The following SFXN4 variants were observed in gnomAD, a reference collection of about 807,000 sequenced individuals.
SFXN4 encodes sideroflexin 4, also known as sideroflexin-4.
Under a neutral mutation model 54.6 loss-of-function variants are expected in SFXN4, and 48 were observed. The observed-to-expected ratio is 0.88, with a 90% confidence interval of 0.70 to 1.12. The LOEUF is 1.12. Among genes scored for constraint, SFXN4 ranks in the 50% most tolerant of loss-of-function variants. The pLI, the probability that SFXN4 is intolerant of heterozygous loss-of-function variation, is 0.00. For missense variants in SFXN4, 383 were observed against 409.2 expected (o/e 0.94, Z 0.55); for synonymous variants, 130 against 145.5 (o/e 0.89, Z 0.77).
chr10:119,150,278 G>A (rs868760523), intron 11 of SFXN4, among the ~76,000 whole-genome samples: 1 of 152,258 alleles, frequency 6.6e-6, no homozygotes. Flanking sequence ...CTTTCCGCTG[G>A]AGGCTGGGGC....
Position 119,164,139 on chromosome 10 carries a change from T to C in SFXN4, c.169A>G (p.Ile57Val), listed in dbSNP as rs1589652565. The change falls in exon 2 of 14, where the codon ATT becomes GTT. Residue 57 changes from isoleucine (I) to valine (V), a missense_variant. Ile to Val is a conservative substitution (Grantham distance 29, BLOSUM62 3). Coordinates refer to ENST00000355697, the MANE Select transcript of SFXN4 (RefSeq NM_213649.2). ...TELLDPTNVF[I>V]SVESIENSRQ... ...CTGAAAACAATACTTACAACTGAAA[T>C]GAACACATTTGTAGGATCTAATAAT... 1.9e-6 allele frequency: 3 copies of C among 1,576,218 alleles called. No individual in the cohort carries two copies. In the South Asian group the frequency reaches 3.5e-5, roughly 18 times the overall value.
intron 11 of SFXN4, among the ~76,000 whole-genome samples, chr10:119,151,327 C>A (rs1406727673): frequency 6.7e-6 from 1 of 148,730 alleles, no homozygotes; most frequent in Non-Finnish European, 1.5e-5. Context: ...CAAGATCGCA[C>A]CATTGCACTC....
At chr10:119,158,103 T>C in intron 6 of SFXN4, 41 bp from the exon 7 acceptor site, 1 of 1,593,034 alleles carries the variant, frequency 6.3e-7, no homozygotes, top group Non-Finnish European at 8.6e-7. Context: ...AGTGTTGCTG[T>C]GGAAGGAGAA....
chr10:119,146,795 T>A (rs1182531786), intron 12 of SFXN4, among the ~76,000 whole-genome samples: 1 of 152,174 alleles, frequency 6.6e-6, no homozygotes, highest in East Asian at 1.9e-4. Flanking sequence ...CTAGAACTCC[T>A]GACCTCAGGT....
intron 2 of SFXN4, 104 bp from the exon 3 acceptor site, chr10:119,162,518 G>C: frequency 4.6e-6 from 4 of 863,414 alleles, no homozygotes; most frequent in Non-Finnish European, 7.6e-6. Flanking sequence ...ACTGGACTTC[G>C]ACTGCATGCC....
rs918137108 is a variant in SFXN4, at chr10:119,156,730, C to T, written c.564G>A (p.Lys188=). ...TAATCCAAGGGCCAGTCAGGCCATACTTCATCTGGACAAACTGAGGGATTA... is the reference window on the plus strand; with the variant it reads ...TAATCCAAGGGCCAGTCAGGCCATATTTCATCTGGACAAACTGAGGGATTA... ...LGVIPQFVQM[K]YGLTGPWIKR... The change falls in exon 10 of 14, where the codon AAG becomes AAA. Residue 188 remains lysine (K), a synonymous_variant. Coordinates refer to ENST00000355697, the MANE Select transcript of SFXN4 (RefSeq NM_213649.2). The T allele has an allele frequency of 6.2e-7, 1 of 1,611,196 alleles. No homozygotes were observed. Among genetic ancestry groups the T allele is most frequent in the Non-Finnish European group, 8.5e-7 (1 of 1,178,482 alleles).
chr10:119,154,753 G>T (rs1256576653), intron 11 of SFXN4, among the ~76,000 whole-genome samples: 1 of 152,072 alleles, frequency 6.6e-6, no homozygotes, highest in Non-Finnish European at 1.5e-5. Context: ...GACCGCTTGT[G>T]TTAGGGAGGC....
At chr10:119,161,881 G>A (rs1372586104) in intron 3 of SFXN4, among the ~76,000 whole-genome samples, 1 of 152,196 alleles carries the variant, frequency 6.6e-6, no homozygotes, top group East Asian at 1.9e-4. Context: ...AGGCTGTCTT[G>A]AGGAGCTGGT....
Position 119,165,517 on chromosome 10 carries a change from G to C in SFXN4, c.111+20C>G. The stretch of plus-strand genomic sequence containing the variant: ...GCCCGCCCCCTCCCTGCCCCTAGTC[G>C]CGCCGGGCCCGGGCCGTACTTGGCG... On this transcript the variant is annotated intron_variant, in intron 1 of 13. Coordinates refer to ENST00000355697, the MANE Select transcript of SFXN4 (RefSeq NM_213649.2). 1.3e-6 allele frequency: 2 copies of C among 1,565,648 alleles called. No homozygotes were observed. The highest frequency in any genetic ancestry group is 1.7e-6 in the Non-Finnish European group (2 of 1,162,740).
chr10:119,148,611 G>A (rs745488710), intron 11 of SFXN4, among the ~76,000 whole-genome samples: 5 of 151,896 alleles, frequency 3.3e-5, no homozygotes, highest in African/African-American at 4.8e-5. Flanking sequence ...CTGAGGGCAC[G>A]GGCACAGCAT....
intron 3 of SFXN4, 22 bp from the exon 4 acceptor site, chr10:119,161,103 G>C (rs1353912530): frequency 1.2e-6 from 2 of 1,612,976 alleles, no homozygotes; most frequent in South Asian, 1.1e-5. Context: ...AAAAAGAATA[G>C]CTTTGTTTCA....
intron 1 of SFXN4, among the ~76,000 whole-genome samples, chr10:119,164,760 C>A (rs564469549): frequency 1.3e-5 from 2 of 152,126 alleles, no homozygotes; most frequent in South Asian, 4.1e-4. Context: ...CGCCCCTTCT[C>A]AATTTCCCCA....
chr10:119,160,545 T>G (rs1589647125), intron 5 of SFXN4, among the ~76,000 whole-genome samples: 1 of 147,184 alleles, frequency 6.8e-6, no homozygotes, highest in African/African-American at 2.5e-5. Flanking sequence ...GAAATCCTGC[T>G]GGGGGAGAAA....
In SFXN4 at chr10:119,160,986, G is replaced by T. The variant is rs1220144142; in HGVS notation, c.280-17C>A. On this transcript the variant is annotated splice_polypyrimidine_tract_variant and intron_variant, in intron 4 of 13. Transcript: ENST00000355697. ...CACTGTTGCCTTCAAAAGGAGAGATGCAAGGTTAGCTGGATGTCTGGTTTT... is the reference window on the plus strand; with the variant it reads ...CACTGTTGCCTTCAAAAGGAGAGATTCAAGGTTAGCTGGATGTCTGGTTTT... 2 of 1,614,022 alleles carry T rather than the reference G, an allele frequency of 1.2e-6. No individual in the cohort carries two copies. Among genetic ancestry groups the T allele is most frequent in the Admixed American group, 3.3e-5 (2 of 60,002 alleles).
At chr10:119,142,476 A>T (rs1019861373) in intron 13 of SFXN4, among the ~76,000 whole-genome samples, 1 of 151,710 alleles carries the variant, frequency 6.6e-6, no homozygotes, top group Non-Finnish European at 1.5e-5. Context: ...CACCTAACAA[A>T]ATTAGTAATA....
intron 13 of SFXN4, among the ~76,000 whole-genome samples, chr10:119,145,703 T>C (rs1846763847): frequency 6.6e-6 from 1 of 152,192 alleles, no homozygotes; most frequent in African/African-American, 2.4e-5. Context: ...CTTTTTATGG[T>C]ATTGGTAAGC....
At chr10:119,153,216 G>C (rs184336025) in intron 11 of SFXN4, among the ~76,000 whole-genome samples, 1 of 151,840 alleles carries the variant, frequency 6.6e-6, no homozygotes, top group Non-Finnish European at 1.5e-5. Flanking sequence ...TTTGAGACAC[G>C]ACTGGGCAAC....
intron 11 of SFXN4, among the ~76,000 whole-genome samples, chr10:119,151,708 G>T (rs1847076581): frequency 6.6e-6 from 1 of 151,610 alleles, no homozygotes; most frequent in Non-Finnish European, 1.5e-5. Context: ...TAGAGACAGG[G>T]TTTCACCATG....
chr10:119,162,544 T>G (rs1195644880), intron 2 of SFXN4, 130 bp from the exon 3 acceptor site: 1 of 713,784 alleles, frequency 1.4e-6, no homozygotes, highest in African/African-American at 1.8e-5. Flanking sequence ...TCAAGCCACA[T>G]GGTGCCCTAG....
Sources: gnomAD v4.1 joint callset for allele counts (sites outside exome capture counted in the v4.1 genomes callset) on GRCh38, gnomAD v4.1.1 for gene constraint, MANE v1.5 for transcripts, NCBI Gene and HGNC (gene_info 2026-07-23, HGNC 2026-07-21) for gene names.